Variants in RANBP9 observed in about 807,000 individuals in gnomAD.
The protein encoded by RANBP9 is RAN binding protein 9.
Under a neutral mutation model 84.3 loss-of-function variants are expected in RANBP9, and 15 were observed. The ratio of observed to expected loss-of-function variants is 0.18; its 90% confidence interval spans 0.12 to 0.27. The LOEUF is 0.27. Among genes scored for constraint, RANBP9 ranks in the 10% least tolerant of loss-of-function variants. The pLI is 1.00. For missense variants in RANBP9, 809 were observed against 912.8 expected, an observed-to-expected ratio of 0.89 and a Z score of 1.46; for synonymous variants, 392 against 349.6, an observed-to-expected ratio of 1.12 and a Z score of -1.35.
intron 2 of RANBP9, among the ~76,000 whole-genome samples, chr6:13,659,735 A>G (rs1347728911): frequency 6.6e-6 from 1 of 152,192 alleles, no homozygotes; most frequent in Non-Finnish European, 1.5e-5. Flanking sequence ...AACTCCAATA[A>G]AATAAGAATA....
chr6:13,652,595 A>C lies in RANBP9; in HGVS notation c.927+64T>G. On this transcript the variant is annotated intron_variant, in intron 5 of 13. Coordinates refer to ENST00000011619, the MANE Select transcript of RANBP9 (RefSeq NM_005493.3). ...TATTTTAAACTTTCTAAATATGCCC[A>C]GTATCAGTTTCTTTATACTTCCTGT... is the stretch of plus-strand genomic sequence containing the variant. The C allele has an allele frequency of 3.6e-6, 5 of 1,379,960 alleles. No individual in the cohort carries two copies. The South Asian group carries it at 4.9e-5, about 14-fold the overall frequency. 85.5% of individuals were successfully genotyped at this position (1,379,960 alleles called of 1,614,324 possible).
intron 2 of RANBP9, among the ~76,000 whole-genome samples, chr6:13,661,661 G>A (rs1765540957): frequency 6.6e-6 from 1 of 152,020 alleles, no homozygotes; most frequent in Non-Finnish European, 1.5e-5. Flanking sequence ...TAAGGACAGT[G>A]GTGTACCAAT....
At chr6:13,669,136 T>TAA (rs145178189) in intron 2 of RANBP9, among the ~76,000 whole-genome samples, 10 of 150,316 alleles carry the variant, frequency 6.7e-5, no homozygotes, top group Admixed American at 1.3e-4. Flanking sequence ...TGGAACAGAA[T>TAA]AAAAAAAAAG....
At chr6:13,687,009 T>C (rs1486403210) in intron 2 of RANBP9, among the ~76,000 whole-genome samples, 1 of 152,186 alleles carries the variant, frequency 6.6e-6, no homozygotes, top group Non-Finnish European at 1.5e-5. Context: ...TCTTAGATGA[T>C]TATGTAACAA....
chr6:13,711,758 G>A lies in RANBP9; in HGVS notation c.-253C>T, dbSNP rs1420457150. On this transcript the variant is annotated 5_prime_UTR_variant, in exon 1 of 14. Transcript: ENST00000011619. Reference sequence around the variant, plus strand: ...GCGCGCGGCCCGGGGACGAGGCGCCGAGGGCGGGGGCGACGCGGGAGCGCG... The same window carrying A: ...GCGCGCGGCCCGGGGACGAGGCGCCAAGGGCGGGGGCGACGCGGGAGCGCG... Among the ~76,000 whole-genome samples, 2 of 147,536 alleles carry A rather than the reference G, an allele frequency of 1.4e-5. No individual in the cohort carries two copies. Among genetic ancestry groups the A allele is most frequent in the Non-Finnish European group, 1.5e-5 (1 of 66,364 alleles).
rs148140041 is a variant in RANBP9, at chr6:13,657,926, T to C, written c.737-650A>G. Among the ~76,000 whole-genome samples the C allele has an allele frequency of 3.3e-5, 5 of 152,328 alleles. No individual in the cohort carries two copies. In the East Asian group the frequency reaches 9.6e-4, roughly 29 times the overall value. ...CAACTACATTGTCTTGGTTTGTTTC[T>C]TTAAGGTACTTCATGTAGTTTGACA... is the stretch of plus-strand genomic sequence containing the variant. On this transcript the variant is annotated intron_variant, in intron 3 of 13. Transcript: ENST00000011619.
chr6:13,632,118 C>CTTTTTTTTT (rs752500098), intron 12 of RANBP9, among the ~76,000 whole-genome samples: 4 of 74,966 alleles, frequency 5.3e-5, no homozygotes, highest in Admixed American at 1.9e-4. Context: ...GGATTTAATC[C>CTTTTTTTTT]TTTTTTTTTT....
chr6:13,681,525 G>A (rs1766037609), intron 2 of RANBP9, among the ~76,000 whole-genome samples: 1 of 151,880 alleles, frequency 6.6e-6, no homozygotes, highest in South Asian at 2.1e-4. Flanking sequence ...TTAAAAGGAG[G>A]GGACTATAGG....
chr6:13,695,810 G>A (rs898022332), intron 2 of RANBP9, among the ~76,000 whole-genome samples: 1 of 151,944 alleles, frequency 6.6e-6, no homozygotes, highest in Non-Finnish European at 1.5e-5. Context: ...TCATACTGTT[G>A]ACATCGAGAA....
chr6:13,622,447 C>T lies in RANBP9; in HGVS notation c.2105G>A (p.Gly702Glu). The T allele has an allele frequency of 6.2e-7, 1 of 1,600,394 alleles. No individual in the cohort carries two copies. The highest frequency in any genetic ancestry group is 8.5e-7 in the Non-Finnish European group (1 of 1,173,796). Residue 702 changes from glycine (G) to glutamate (E), a missense_variant, in exon 14 of 14, where the codon GGA (glycine) becomes GAA (glutamate). Gly to Glu is a moderately conservative substitution (Grantham distance 98). Transcript: ENST00000011619. The part of the protein sequence containing the change: ...PKQPPLALAM[G>E]QATQCLGLMA... ...CAGTCCTAGACATTGTGTGGCCTGT[C>T]CCATTGCTAGGGCAAGTGGAGGTTG... is the stretch of plus-strand genomic sequence containing the variant.
At chr6:13,650,190 G>A (rs1300276565) in intron 5 of RANBP9, among the ~76,000 whole-genome samples, 1 of 148,504 alleles carries the variant, frequency 6.7e-6, no homozygotes, top group Non-Finnish European at 1.5e-5. Context: ...TAGTAGAGGT[G>A]AGATCTCATT....
intron 1 of RANBP9, among the ~76,000 whole-genome samples, chr6:13,697,405 GT>G (rs1017642288): frequency 1.3e-5 from 2 of 152,116 alleles, no homozygotes; most frequent in Non-Finnish European, 2.9e-5. Context: ...AGAATTTACA[GT>G]TTTGTTCTTT....
chr6:13,689,043 C>A (rs895318903), intron 2 of RANBP9, among the ~76,000 whole-genome samples: 4 of 149,650 alleles, frequency 2.7e-5, no homozygotes. Context: ...TCCCAGCTAC[C>A]TGGGAGGCTA....
At chr6:13,658,391 C>T (rs1054038757) in intron 3 of RANBP9, among the ~76,000 whole-genome samples, 1 of 152,138 alleles carries the variant, frequency 6.6e-6, no homozygotes, top group African/African-American at 2.4e-5. Context: ...GGTGGATCAC[C>T]TGAGGTCAGG....
chr6:13,705,229 C>A (rs1442797133), intron 1 of RANBP9, among the ~76,000 whole-genome samples: 1 of 151,646 alleles, frequency 6.6e-6, no homozygotes, highest in Non-Finnish European at 1.5e-5. Context: ...CATGGCAAAA[C>A]CCCATCGCTA....
At chr6:13,694,659 T>C (rs527379253) in intron 2 of RANBP9, among the ~76,000 whole-genome samples, 1 of 152,276 alleles carries the variant, frequency 6.6e-6, no homozygotes, top group South Asian at 2.1e-4. Flanking sequence ...ATTCCAGAAA[T>C]AAGCAATTTG....
At chr6:13,687,538 T>C (rs1319364228) in intron 2 of RANBP9, among the ~76,000 whole-genome samples, 2 of 152,060 alleles carry the variant, frequency 1.3e-5, no homozygotes, top group Non-Finnish European at 2.9e-5. Context: ...TTTAGTCACA[T>C]CACTATCCAT....
chr6:13,705,141 C>T (rs921101639), intron 1 of RANBP9, among the ~76,000 whole-genome samples: 5 of 152,098 alleles, frequency 3.3e-5, no homozygotes, highest in South Asian at 4.1e-4. Context: ...CAGTGGTTCA[C>T]GCCTATAATC....
chr6:13,692,836 G>GAGCA (rs1766358349), intron 2 of RANBP9, among the ~76,000 whole-genome samples: 2 of 152,170 alleles, frequency 1.3e-5, no homozygotes, highest in Non-Finnish European at 2.9e-5. Context: ...CTGGGCAACA[G>GAGCA]AGCAAGACTC....
Sources: allele counts gnomAD v4.1 joint callset (sites outside exome capture counted in the v4.1 genomes callset), GRCh38; gene constraint gnomAD v4.1.1; transcripts MANE v1.5; gene names NCBI Gene and HGNC (gene_info 2026-07-23, HGNC 2026-07-21).